Variants in NAV2 observed in about 807,000 individuals in gnomAD.
The protein encoded by NAV2 is neuron navigator 2.
In NAV2, 54 loss-of-function variants were observed where a neutral mutation model predicts 223.2. That is an observed-to-expected ratio of 0.24 (90% CI 0.19 to 0.30). NAV2 has a LOEUF of 0.30. NAV2 is among the 10% of genes least tolerant of loss of function. The probability of loss-of-function intolerance (pLI) is 1.00; values close to 1 mark genes in which losing one functional copy is unlikely to be tolerated. For missense variants in NAV2, 2,806 were observed against 3,147.5 expected, an observed-to-expected ratio of 0.89 and a Z score of 2.60; for synonymous variants, 1,279 against 1,239.3, an observed-to-expected ratio of 1.03 and a Z score of -0.67.
intron 1 of NAV2, among the ~76,000 whole-genome samples, chr11:19,462,652 TG>T (rs1852207362): frequency 6.6e-6 from 1 of 152,224 alleles, no homozygotes; most frequent in Non-Finnish European, 1.5e-5. Flanking sequence ...TCATAATATT[TG>T]GATGAGGACC....
intron 1 of NAV2, among the ~76,000 whole-genome samples, chr11:19,779,746 C>A (rs980127760): frequency 2.0e-5 from 3 of 152,230 alleles, no homozygotes; most frequent in Admixed American, 1.3e-4. Context: ...TCATTATTTT[C>A]TTCAGTGGTA....
chr11:19,553,321 G>A (rs547043300), intron 1 of NAV2, among the ~76,000 whole-genome samples: 1 of 152,310 alleles, frequency 6.6e-6, no homozygotes, highest in South Asian at 2.1e-4. Flanking sequence ...TAATTTCATC[G>A]TCTTGAGCAG....
At chr11:19,606,861 G>A (rs1167278302) in intron 1 of NAV2, among the ~76,000 whole-genome samples, 1 of 152,200 alleles carries the variant, frequency 6.6e-6, no homozygotes, top group African/African-American at 2.4e-5. Context: ...CACCAGCATG[G>A]CCTTACCTGA....
chr11:19,560,860 A>G (rs1254660071), intron 1 of NAV2, among the ~76,000 whole-genome samples: 1 of 152,258 alleles, frequency 6.6e-6, no homozygotes, highest in Non-Finnish European at 1.5e-5. Context: ...AAGTGCATCA[A>G]CAGCAAGGTC....
chr11:19,537,063 A>G (rs1302861222), intron 1 of NAV2, among the ~76,000 whole-genome samples: 1 of 152,202 alleles, frequency 6.6e-6, no homozygotes. Flanking sequence ...TTTAAGAGAC[A>G]ATGTCCTTGT....
chr11:19,415,296 A>G (rs186135504), intron 1 of NAV2, among the ~76,000 whole-genome samples: 18 of 152,342 alleles, frequency 1.2e-4, no homozygotes, highest in Admixed American at 5.9e-4. Context: ...ACAAACTACC[A>G]TCAGAGAATA....
At chr11:19,937,356 C>G (rs1164581045) in intron 7 of NAV2, among the ~76,000 whole-genome samples, 1 of 150,166 alleles carries the variant, frequency 6.7e-6, no homozygotes, top group Non-Finnish European at 1.5e-5. Flanking sequence ...ATTGCTCCCC[C>G]CCCGCCCACC....
intron 10 of NAV2, among the ~76,000 whole-genome samples, chr11:19,960,624 T>TATTC (rs2048278989): frequency 3.3e-5 from 5 of 149,412 alleles, no homozygotes; most frequent in Admixed American, 3.3e-4. Flanking sequence ...TTTATTTATT[T>TATTC]ATTTTTTGAG....
At chr11:19,814,339 G>A (rs150850633) in intron 1 of NAV2, among the ~76,000 whole-genome samples, 2,579 of 152,236 alleles carry the variant, frequency 0.017, 34 homozygotes, top group Non-Finnish European at 0.027. Flanking sequence ...GCAATTTCCT[G>A]TTCAGTGAGA....
At chr11:19,450,825 G>T (rs928412213) in intron 1 of NAV2, among the ~76,000 whole-genome samples, 4 of 152,178 alleles carry the variant, frequency 2.6e-5, no homozygotes, top group African/African-American at 9.7e-5. Context: ...ACAGAACAGG[G>T]TTGTGCGTGT....
At chr11:19,742,531 A>T (rs1010668843) in intron 1 of NAV2, among the ~76,000 whole-genome samples, 1 of 152,152 alleles carries the variant, frequency 6.6e-6, no homozygotes, top group Non-Finnish European at 1.5e-5. Context: ...GCTACCCACT[A>T]CGTGAGGCGC....
At chr11:19,372,404 G>T (rs1020572446) in intron 1 of NAV2, among the ~76,000 whole-genome samples, 2 of 152,300 alleles carry the variant, frequency 1.3e-5, no homozygotes, top group East Asian at 3.9e-4. Context: ...GCTCAGTACT[G>T]GATGGTCTGC....
rs1312287063 is a variant in NAV2 at position 19,738,443 on chromosome 11, A to C, written c.267+24481A>C. On this transcript the variant is annotated intron_variant, in intron 1 of 37. Coordinates refer to ENST00000349880, the MANE Select transcript of NAV2 (RefSeq NM_145117.5). The stretch of plus-strand genomic sequence containing the variant: ...AGACACATCCAGGAGATGAAAAGAT[A>C]TCTCCATCTGCTTGGTTCTGGAGAA... 2.0e-5 allele frequency among the ~76,000 whole-genome samples: 3 copies of C among 152,244 alleles called. 1 individual carries two copies. In the East Asian group the frequency reaches 5.8e-4, roughly 29 times the overall value.
At chr11:20,056,697 T>C (rs1466680285) in intron 19 of NAV2, 5 of 988,492 alleles carry the variant, frequency 5.1e-6, no homozygotes, top group Non-Finnish European at 8.1e-6. Flanking sequence ...TGATGGGACA[T>C]TGGCGGCAAT....
chr11:19,464,415 G>A (rs1852276183), intron 1 of NAV2, among the ~76,000 whole-genome samples: 1 of 152,174 alleles, frequency 6.6e-6, no homozygotes, highest in African/African-American at 2.4e-5. Flanking sequence ...GGGGATACAG[G>A]ATAGATCCTG....
At chr11:20,084,418 A>G (rs58320425) in intron 26 of NAV2, among the ~76,000 whole-genome samples, 8,118 of 152,190 alleles carry the variant, frequency 0.053, 729 homozygotes, top group African/African-American at 0.18. Context: ...CTTTTAAGCA[A>G]CCTCACCCAC....
rs567704089 is a variant in NAV2 at position 19,750,998 on chromosome 11, A to G, written c.267+37036A>G. On this transcript the variant is annotated intron_variant, in intron 1 of 37. Transcript: ENST00000349880. ...TGGTATGCTGAGGCTGGCTGGTACT[A>G]TCTCTTGAGAGCCAGTTGTGTGCAT... 9.2e-5 allele frequency among the ~76,000 whole-genome samples: 14 copies of G among 152,318 alleles called. No individual in the cohort carries two copies. The South Asian group carries it at 1.5e-3, about 16-fold the overall frequency.
At chr11:19,730,221 G>T (rs544806044) in intron 1 of NAV2, among the ~76,000 whole-genome samples, 2 of 152,180 alleles carry the variant, frequency 1.3e-5, no homozygotes, top group Non-Finnish European at 2.9e-5. Flanking sequence ...CGGGGGTTCA[G>T]TGTGGGCAGA....
At chr11:19,824,229 G>A (rs1274720035) in intron 1 of NAV2, among the ~76,000 whole-genome samples, 2 of 152,184 alleles carry the variant, frequency 1.3e-5, no homozygotes, top group Non-Finnish European at 2.9e-5. Context: ...ATGTTCAGAA[G>A]GGATATGACT....
Sources: gnomAD v4.1 joint callset for allele counts (sites outside exome capture counted in the v4.1 genomes callset) on GRCh38, gnomAD v4.1.1 for gene constraint, MANE v1.5 for transcripts, NCBI Gene and HGNC (gene_info 2026-07-23, HGNC 2026-07-21) for gene names.